Variants in MACROD2 observed in about 807,000 individuals in gnomAD.
MACROD2 encodes the protein mono-ADP ribosylhydrolase 2.
A neutral mutation model predicts 70.4 loss-of-function variants in MACROD2; 36 were observed. The ratio of observed to expected loss-of-function variants is 0.51; its 90% CI spans 0.39 to 0.68. The LOEUF is 0.68. MACROD2 is among the 30% of genes least tolerant of loss of function. The pLI is 0.00. For synonymous variants in MACROD2, 172 were observed against 178.8 expected (o/e 0.96, Z 0.30); for missense variants, 496 against 538.4 (o/e 0.92, Z 0.78).
At chr20:15,734,759 A>G (rs1294216649) in intron 8 of MACROD2, among the ~76,000 whole-genome samples, 1 of 152,162 alleles carries the variant, frequency 6.6e-6, no homozygotes, top group Non-Finnish European at 1.5e-5. Context: ...GCACAAACAC[A>G]CATTTGCCAA....
chr20:15,553,341 G>A (rs1000522161), intron 8 of MACROD2, among the ~76,000 whole-genome samples: 9 of 152,100 alleles, frequency 5.9e-5, no homozygotes, highest in Middle Eastern at 3.2e-3. Context: ...TCCCATTACT[G>A]CAGGAATACA....
rs150710525 is a variant in MACROD2 at position 15,489,752 on chromosome 20, G to A, written c.572-10022G>A. Among the ~76,000 whole-genome samples the A allele has an allele frequency of 5.5e-4, 84 of 152,202 alleles. 1 individual carries two copies. Among genetic ancestry groups the A allele is most frequent in the Non-Finnish European group, 1.0e-3 (68 of 68,000 alleles). ...TCCAGACTGGAGTGTCTGACATAGAGGCTTTCTGGTATGTTCCATCCATTC... is the reference window on the plus strand; with the variant it reads ...TCCAGACTGGAGTGTCTGACATAGAAGCTTTCTGGTATGTTCCATCCATTC... On this transcript the variant is annotated intron_variant, in intron 7 of 17. Transcript: ENST00000684519.
chr20:15,017,939 T>G (rs1459415955), intron 5 of MACROD2, among the ~76,000 whole-genome samples: 3 of 152,172 alleles, frequency 2.0e-5, no homozygotes, highest in Non-Finnish European at 4.4e-5. Context: ...GGGCCTGTGA[T>G]GGGAGGGGCT....
chr20:14,005,646 G>A (rs972626484), intron 2 of MACROD2, among the ~76,000 whole-genome samples: 3 of 150,970 alleles, frequency 2.0e-5, no homozygotes, highest in Non-Finnish European at 4.4e-5. Flanking sequence ...TTTGTGCCCC[G>A]GGCTGGAGTG....
intron 3 of MACROD2, among the ~76,000 whole-genome samples, chr20:14,144,930 A>C (rs1428300605): frequency 6.6e-6 from 1 of 152,114 alleles, no homozygotes; most frequent in Admixed American, 6.6e-5. Context: ...GCCACTCTCT[A>C]TCTCAGTTCG....
intron 13 of MACROD2, 47 bp from the exon 14 acceptor site, chr20:15,986,680 T>G (rs774350027): frequency 4.2e-6 from 6 of 1,435,642 alleles, no homozygotes; most frequent in Non-Finnish European, 5.9e-6. Flanking sequence ...AAAGCTACGG[T>G]CATGCATATC....
At chr20:14,038,083 C>G (rs1429395683) in intron 2 of MACROD2, among the ~76,000 whole-genome samples, 2 of 152,164 alleles carry the variant, frequency 1.3e-5, no homozygotes, top group Non-Finnish European at 2.9e-5. Flanking sequence ...CACTTCACGT[C>G]AGGAGTTTGA....
At chr20:14,919,198 A>G (rs1442802553) in intron 5 of MACROD2, among the ~76,000 whole-genome samples, 1 of 152,172 alleles carries the variant, frequency 6.6e-6, no homozygotes, top group Admixed American at 6.5e-5. Flanking sequence ...TTGCTGGGAA[A>G]GTAAAAGTTC....
At chr20:15,583,403 G>A (rs1182963145) in intron 8 of MACROD2, among the ~76,000 whole-genome samples, 5 of 152,176 alleles carry the variant, frequency 3.3e-5, no homozygotes, top group South Asian at 2.1e-4. Context: ...TTTTAGCATC[G>A]TTGCAAGATT....
At chr20:15,197,334 ATATG>A (rs1428143441) in intron 5 of MACROD2, among the ~76,000 whole-genome samples, 1 of 152,040 alleles carries the variant, frequency 6.6e-6, no homozygotes, top group Non-Finnish European at 1.5e-5. Flanking sequence ...GTATATATAT[ATATG>A]TGTTTTCATA....
intron 4 of MACROD2, among the ~76,000 whole-genome samples, chr20:14,643,709 G>A (rs1985219268): frequency 6.6e-6 from 1 of 152,170 alleles, no homozygotes. Context: ...TAGTCATGTG[G>A]TTTAGCTTGT....
At chr20:15,612,151 A>C (rs140111390) in intron 8 of MACROD2, among the ~76,000 whole-genome samples, 3 of 152,206 alleles carry the variant, frequency 2.0e-5, no homozygotes, top group Non-Finnish European at 4.4e-5. Context: ...CCGTGGCTTT[A>C]ATTCCAAGAG....
At chr20:14,091,623 AAATAAT>A (rs533499612) in intron 3 of MACROD2, among the ~76,000 whole-genome samples, 1 of 152,026 alleles carries the variant, frequency 6.6e-6, no homozygotes, top group Non-Finnish European at 1.5e-5. Flanking sequence ...TGGTCAATCA[AAATAAT>A]AATAATAATA....
At position 16,050,114 on chromosome 20, in the gene MACROD2, A is replaced by C. The variant is rs2067440281; in HGVS notation, c.*238A>C. 1 of 403,316 alleles carries C rather than the reference A, an allele frequency of 2.5e-6. No homozygotes were observed. Among genetic ancestry groups the C allele is most frequent in the African/African-American group, 2.0e-5 (1 of 49,148 alleles). The allele number at this position is 403,316 out of a possible 1,614,324, so 25.0% of individuals were successfully genotyped here. On this transcript the variant is annotated 3_prime_UTR_variant, in exon 18 of 18. Transcript: ENST00000684519. Reference sequence around the variant, plus strand: ...AGGGACCCATGTTGACGCATCTTTCAGGCATTATCCTTGTAATTTCTGTCT... The same window carrying C: ...AGGGACCCATGTTGACGCATCTTTCCGGCATTATCCTTGTAATTTCTGTCT...
At chr20:15,521,436 A>G (rs757572424) in intron 8 of MACROD2, among the ~76,000 whole-genome samples, 25 of 152,212 alleles carry the variant, frequency 1.6e-4, no homozygotes, top group Non-Finnish European at 2.6e-4. Context: ...GCCCTTTACA[A>G]TGAAGTTGTT....
At chr20:15,137,241 T>C (rs2076155854) in intron 5 of MACROD2, among the ~76,000 whole-genome samples, 1 of 151,750 alleles carries the variant, frequency 6.6e-6, no homozygotes, top group Admixed American at 6.6e-5. Flanking sequence ...ATCATGCTGC[T>C]ATAAAGACAC....
At chr20:15,019,116 A>G (rs1445179688) in intron 5 of MACROD2, among the ~76,000 whole-genome samples, 3 of 152,186 alleles carry the variant, frequency 2.0e-5, no homozygotes, top group East Asian at 1.9e-4. Flanking sequence ...ATGAGGTGTA[A>G]TGGGACTTTT....
chr20:14,378,442 T>C (rs1177098786), intron 3 of MACROD2, among the ~76,000 whole-genome samples: 1 of 152,142 alleles, frequency 6.6e-6, no homozygotes, highest in African/African-American at 2.4e-5. Context: ...CAAAGGCCCA[T>C]CCTTCTTGCT....
intron 5 of MACROD2, among the ~76,000 whole-genome samples, chr20:15,195,749 T>C (rs1479097335): frequency 2.0e-5 from 3 of 152,130 alleles, no homozygotes; most frequent in African/African-American, 4.8e-5. Context: ...CAAAGGAATG[T>C]AAATTATTCT....
Sources: gnomAD v4.1 joint callset for allele counts (sites outside exome capture counted in the v4.1 genomes callset) on GRCh38, gnomAD v4.1.1 for gene constraint, MANE v1.5 for transcripts, NCBI Gene and HGNC (gene_info 2026-07-23, HGNC 2026-07-21) for gene names.